Variants in PXDNL observed in about 807,000 individuals in gnomAD.
PXDNL encodes probable oxidoreductase PXDNL.
Under a neutral mutation model 150.8 loss-of-function variants are expected in PXDNL, and 145 were observed. The ratio of observed to expected loss-of-function variants is 0.96; its 90% CI spans 0.84 to 1.10. The LOEUF (loss-of-function observed/expected upper bound fraction) is 1.10, where lower values mean the gene tolerates loss of function less well. Among genes scored for constraint, PXDNL ranks in the 50% least tolerant of loss-of-function variants. PXDNL has a pLI of 0.00. For synonymous variants in PXDNL, 757 were observed against 725.7 expected (o/e 1.04, Z -0.69); for missense variants, 2,087 against 1,873.9 (o/e 1.11, Z -2.10).
At chr8:51,320,963 A>G in intron 21 of PXDNL, 66 bp from the exon 22 acceptor site, 1 of 1,173,922 alleles carries the variant, frequency 8.5e-7, no homozygotes. Flanking sequence ...CCAATCAATA[A>G]CATGGTTTGA....
intron 21 of PXDNL, among the ~76,000 whole-genome samples, chr8:51,326,711 T>C (rs1326042400): frequency 6.6e-6 from 1 of 152,172 alleles, no homozygotes; most frequent in Non-Finnish European, 1.5e-5. Context: ...TGTGTCAAAG[T>C]AGATAATACT....
At chr8:51,376,711 TTCTC>T (rs545284646) in intron 17 of PXDNL, among the ~76,000 whole-genome samples, 278 of 151,256 alleles carry the variant, frequency 1.8e-3, no homozygotes, top group African/African-American at 6.1e-3. Flanking sequence ...TTTGCTTCTC[TTCTC>T]TCTCTCTCTC....
At chr8:51,650,473 T>C (rs946339331) in intron 2 of PXDNL, among the ~76,000 whole-genome samples, 15 of 152,178 alleles carry the variant, frequency 9.9e-5, no homozygotes, top group African/African-American at 3.6e-4. Context: ...TGTAGGATAA[T>C]GAGGAAGAGA....
At chr8:51,621,576 T>G (rs1336349921) in intron 2 of PXDNL, among the ~76,000 whole-genome samples, 1 of 151,924 alleles carries the variant, frequency 6.6e-6, no homozygotes, top group African/African-American at 2.4e-5. Context: ...CCAGGATCTA[T>G]TCCTCAAGAA....
intron 17 of PXDNL, among the ~76,000 whole-genome samples, chr8:51,390,255 C>T (rs570642568): frequency 2.7e-4 from 41 of 152,248 alleles, no homozygotes; most frequent in African/African-American, 8.9e-4. Flanking sequence ...TTTTTGTCTG[C>T]CTTAGGCTCA....
At chr8:51,373,133 G>C (rs946614215) in intron 18 of PXDNL, among the ~76,000 whole-genome samples, 1 of 152,142 alleles carries the variant, frequency 6.6e-6, no homozygotes, top group Non-Finnish European at 1.5e-5. Context: ...CCTTTACATA[G>C]GTATTTAAGG....
intron 19 of PXDNL, among the ~76,000 whole-genome samples, chr8:51,347,936 T>A (rs1236443516): frequency 6.6e-6 from 1 of 152,188 alleles, no homozygotes; most frequent in Non-Finnish European, 1.5e-5. Flanking sequence ...TTACGAAGAA[T>A]ACAACTAAAG....
intron 3 of PXDNL, among the ~76,000 whole-genome samples, chr8:51,580,146 T>C (rs1011005123): frequency 2.0e-5 from 3 of 152,090 alleles, no homozygotes; most frequent in Non-Finnish European, 4.4e-5. Flanking sequence ...TTGCCAGGAT[T>C]TGAAGAAGGT....
At chr8:51,494,938 C>A (rs1811008140) in intron 5 of PXDNL, among the ~76,000 whole-genome samples, 1 of 152,154 alleles carries the variant, frequency 6.6e-6, no homozygotes, top group Non-Finnish European at 1.5e-5. Flanking sequence ...ACCTAATAGA[C>A]ATCTACAGAA....
chr8:51,371,220 A>G (rs1807103296), intron 19 of PXDNL, among the ~76,000 whole-genome samples: 2 of 152,210 alleles, frequency 1.3e-5, no homozygotes, highest in South Asian at 2.1e-4. Flanking sequence ...TGGCTCCACC[A>G]CTTACTCATC....
intron 4 of PXDNL, among the ~76,000 whole-genome samples, chr8:51,500,025 G>A (rs1394318536): frequency 1.3e-5 from 2 of 152,000 alleles, no homozygotes; most frequent in Non-Finnish European, 2.9e-5. Context: ...CCTTTTCCCA[G>A]GGAGCCTCTT....
intron 1 of PXDNL, among the ~76,000 whole-genome samples, chr8:51,772,742 T>C (rs1385654970): frequency 1.3e-5 from 2 of 152,114 alleles, no homozygotes; most frequent in African/African-American, 4.8e-5. Context: ...CAAGGTAGCA[T>C]GGGTCTGTCC....
At chr8:51,476,888 A>C (rs971987912) in intron 6 of PXDNL, among the ~76,000 whole-genome samples, 9 of 152,246 alleles carry the variant, frequency 5.9e-5, no homozygotes, top group African/African-American at 2.2e-4. Context: ...CATAAATTTA[A>C]TAACTTTTAA....
chr8:51,586,201 C>T lies in PXDNL; in HGVS notation c.308+6426G>A, dbSNP rs144215929. Among the ~76,000 whole-genome samples the T allele has an allele frequency of 7.7e-3, 1,168 of 152,236 alleles. 10 individuals are homozygous for T. The highest frequency in any genetic ancestry group is 0.01 in the Non-Finnish European group (710 of 68,022). On this transcript the variant is annotated intron_variant, in intron 3 of 22. Transcript: ENST00000356297. Reference sequence around the variant, plus strand: ...AAGCAAGGCGTGGAAAGCACTCATCCCTGACTATGCTAGGGATAAGATCAT... The same window carrying T: ...AAGCAAGGCGTGGAAAGCACTCATCTCTGACTATGCTAGGGATAAGATCAT...
At chr8:51,372,815 T>G (rs1425297864) in intron 18 of PXDNL, among the ~76,000 whole-genome samples, 1 of 152,256 alleles carries the variant, frequency 6.6e-6, no homozygotes, top group African/African-American at 2.4e-5. Context: ...ATCCATCAAC[T>G]AACTAGAATA....
chr8:51,518,011 T>TC (rs1478379554), intron 4 of PXDNL, among the ~76,000 whole-genome samples: 1 of 152,246 alleles, frequency 6.6e-6, no homozygotes, highest in Non-Finnish European at 1.5e-5. Flanking sequence ...CTTCATATAA[T>TC]AGCAAGGCTG....
rs1008488284 is a variant in PXDNL at position 51,418,175 on chromosome 8, A to G, written c.1796-4917T>C. On this transcript the variant is annotated intron_variant, in intron 14 of 22. Transcript: ENST00000356297. ...ATAAAGCTAATACAAACATACGTGT[A>G]TGTATACTAGGTAGATGCTGTTGTT... Among the ~76,000 whole-genome samples the G allele has an allele frequency of 2.0e-5, 3 of 152,338 alleles. No individual in the cohort carries two copies. In the Middle Eastern group the frequency reaches 0.01, roughly 518 times the overall value.
intron 6 of PXDNL, among the ~76,000 whole-genome samples, chr8:51,476,200 T>G (rs2130125076): frequency 6.6e-6 from 1 of 152,322 alleles, no homozygotes; most frequent in East Asian, 1.9e-4. Flanking sequence ...GTGGTGGTAT[T>G]TCAATATTTT....
intron 1 of PXDNL, among the ~76,000 whole-genome samples, chr8:51,739,197 G>A (rs2036876399): frequency 6.6e-6 from 1 of 151,814 alleles, no homozygotes; most frequent in African/African-American, 2.4e-5. Flanking sequence ...TCCAACATCT[G>A]TTCATGATTA....
Sources: gnomAD v4.1 joint callset for allele counts (sites outside exome capture counted in the v4.1 genomes callset) on GRCh38, gnomAD v4.1.1 for gene constraint, MANE v1.5 for transcripts, NCBI Gene and HGNC (gene_info 2026-07-23, HGNC 2026-07-21) for gene names.